The following PKP4 variants were observed in gnomAD, a reference collection of about 807,000 sequenced individuals.
The protein encoded by PKP4 is plakophilin-4.
Under a neutral mutation model 145.1 loss-of-function variants are expected in PKP4, and 90 were observed. The observed-to-expected ratio is 0.62, with a 90% CI of 0.52 to 0.74. The LOEUF (loss-of-function observed/expected upper bound fraction) is 0.74, where lower values mean the gene tolerates loss of function less well. Among genes scored for constraint, PKP4 ranks in the 30% least tolerant of loss-of-function variants. The probability of loss-of-function intolerance (pLI) is 0.00; values close to 1 mark genes in which losing one functional copy is unlikely to be tolerated. For synonymous variants in PKP4, 563 were observed against 577.2 expected, an observed-to-expected ratio of 0.98 and a Z score of 0.35; for missense variants, 1,340 against 1,482.7, an observed-to-expected ratio of 0.90 and a Z score of 1.58.
At chr2:158,577,970 T>C (rs1314699220) in intron 3 of PKP4, among the ~76,000 whole-genome samples, 1 of 152,178 alleles carries the variant, frequency 6.6e-6, no homozygotes, top group Non-Finnish European at 1.5e-5. Flanking sequence ...CTGTAAAAAT[T>C]ACATGTTCCG....
At chr2:158,526,599 G>A (rs1282968987) in intron 1 of PKP4, among the ~76,000 whole-genome samples, 18 of 91,242 alleles carry the variant, frequency 2.0e-4, no homozygotes, top group African/African-American at 6.4e-4. Flanking sequence ...CTCTCTCACC[G>A]CTCCTATTCA....
intron 3 of PKP4, among the ~76,000 whole-genome samples, chr2:158,593,268 A>G (rs1340308486): frequency 6.6e-6 from 1 of 152,146 alleles, no homozygotes. Context: ...ATATTTAGGA[A>G]GAGAGTCTGT....
intron 4 of PKP4, among the ~76,000 whole-genome samples, chr2:158,609,298 G>A (rs1047343214): frequency 6.6e-6 from 1 of 151,970 alleles, no homozygotes; most frequent in East Asian, 1.9e-4. Context: ...TTAGAATTAG[G>A]CAGTCCTACT....
intron 2 of PKP4, among the ~76,000 whole-genome samples, chr2:158,536,057 T>C (rs938644139): frequency 3.9e-5 from 6 of 152,226 alleles, no homozygotes; most frequent in Non-Finnish European, 8.8e-5. Context: ...ATTGTCATCA[T>C]CATTTCTGCA....
intron 2 of PKP4, among the ~76,000 whole-genome samples, chr2:158,554,676 C>G (rs1207833249): frequency 6.6e-6 from 1 of 152,172 alleles, no homozygotes; most frequent in Non-Finnish European, 1.5e-5. Context: ...CCGCCTGCGT[C>G]AGCCTCCCAA....
intron 1 of PKP4, among the ~76,000 whole-genome samples, chr2:158,524,302 G>A (rs1287175599): frequency 3.4e-5 from 3 of 88,004 alleles, no homozygotes; most frequent in African/African-American, 1.5e-4. Flanking sequence ...AACCCTACAA[G>A]CCAGAAGAGA....
At chr2:158,676,136 G>A (rs2057988074) in intron 19 of PKP4, among the ~76,000 whole-genome samples, 2 of 152,164 alleles carry the variant, frequency 1.3e-5, no homozygotes, top group Admixed American at 1.3e-4. Flanking sequence ...GCTTCCTAAT[G>A]AGCCAGGCTT....
intron 1 of PKP4, among the ~76,000 whole-genome samples, chr2:158,490,350 TAA>T (rs201525473): frequency 1.1e-3 from 136 of 126,864 alleles, no homozygotes; most frequent in Middle Eastern, 8.3e-3. Flanking sequence ...CAAATTGATT[TAA>T]AAAAAAAAAA....
intron 2 of PKP4, among the ~76,000 whole-genome samples, chr2:158,555,190 T>C (rs2045986499): frequency 6.6e-6 from 1 of 152,210 alleles, no homozygotes; most frequent in Non-Finnish European, 1.5e-5. Context: ...GTACCAGTCT[T>C]ATGTAAATTA....
At chr2:158,649,102 TAAG>T (rs757288409) in intron 11 of PKP4, among the ~76,000 whole-genome samples, 13 of 152,200 alleles carry the variant, frequency 8.5e-5, no homozygotes, top group African/African-American at 1.4e-4. Flanking sequence ...GTTTAATTAC[TAAG>T]AAGACAAAAA....
At chr2:158,676,568 A>T (rs2058027977) in intron 19 of PKP4, among the ~76,000 whole-genome samples, 171 bp from the exon 20 acceptor site, 2 of 152,192 alleles carry the variant, frequency 1.3e-5, no homozygotes. Flanking sequence ...CACTTGCAGT[A>T]CTTGGGTCTA....
At chr2:158,560,828 A>AC (rs1446354947) in intron 2 of PKP4, among the ~76,000 whole-genome samples, 1 of 152,212 alleles carries the variant, frequency 6.6e-6, no homozygotes, top group African/African-American at 2.4e-5. Flanking sequence ...ACAGATGTTT[A>AC]AGTGACTTGT....
intron 2 of PKP4, among the ~76,000 whole-genome samples, chr2:158,573,115 C>G (rs1283926476): frequency 2.0e-5 from 3 of 152,148 alleles, no homozygotes; most frequent in Non-Finnish European, 4.4e-5. Context: ...ACCCAAGGTT[C>G]ATGATGAGAA....
intron 2 of PKP4, among the ~76,000 whole-genome samples, chr2:158,575,202 G>C (rs1040721858): frequency 4.6e-5 from 7 of 152,164 alleles, no homozygotes; most frequent in Non-Finnish European, 7.3e-5. Flanking sequence ...TCCATGTCAG[G>C]ATCTTGACCT....
intron 2 of PKP4, among the ~76,000 whole-genome samples, chr2:158,574,479 A>G (rs3771616): frequency 0.52 from 78,443 of 152,054 alleles, 20,602 homozygotes; most frequent in South Asian, 0.69. Flanking sequence ...TTCATATGAC[A>G]GCATAATACT....
intron 2 of PKP4, among the ~76,000 whole-genome samples, chr2:158,564,045 A>G (rs1051877270): frequency 1.3e-5 from 2 of 152,166 alleles, no homozygotes; most frequent in Admixed American, 1.3e-4. Context: ...TTCTGAATTC[A>G]ATTTTAATTA....
chr2:158,589,550 ATATTTC>A (rs1450417246), intron 3 of PKP4, among the ~76,000 whole-genome samples: 1 of 152,194 alleles, frequency 6.6e-6, no homozygotes, highest in Non-Finnish European at 1.5e-5. Flanking sequence ...GAAGCGCTTG[ATATTTC>A]TATTCCTGGT....
At chr2:158,474,916 A>G (rs1284748731) in intron 1 of PKP4, among the ~76,000 whole-genome samples, 2 of 152,220 alleles carry the variant, frequency 1.3e-5, no homozygotes, top group African/African-American at 2.4e-5. Context: ...GCCTGCCCAC[A>G]TTCAACATTT....
At chr2:158,471,580 A>G (rs1362394231) in intron 1 of PKP4, among the ~76,000 whole-genome samples, 1 of 152,256 alleles carries the variant, frequency 6.6e-6, no homozygotes, top group Non-Finnish European at 1.5e-5. Flanking sequence ...CTCATCACAC[A>G]TGAGAGAAGA....
Sources: gnomAD v4.1 joint callset for allele counts (sites outside exome capture counted in the v4.1 genomes callset) on GRCh38, gnomAD v4.1.1 for gene constraint, MANE v1.5 for transcripts, NCBI Gene and HGNC (gene_info 2026-07-23, HGNC 2026-07-21) for gene names.